TRIM9: variants seen among roughly 807,000 people sequenced by gnomAD.
TRIM9 encodes the protein E3 ubiquitin-protein ligase TRIM9.
A neutral mutation model predicts 78.3 loss-of-function variants in TRIM9; 26 were observed. The observed-to-expected ratio is 0.33, with a 90% CI of 0.24 to 0.46. The LOEUF is 0.46. Ranked by LOEUF, TRIM9 falls within the 20% of genes least tolerant of loss-of-function variation. The probability of loss-of-function intolerance (pLI) is 1.00; values close to 1 mark genes in which losing one functional copy is unlikely to be tolerated. For missense variants in TRIM9, 787 were observed against 1,036.4 expected (o/e 0.76, Z 3.30); for synonymous variants, 398 against 416.5 (o/e 0.96, Z 0.54).
Position 51,094,665 on chromosome 14 carries a change from C to T in TRIM9, c.275G>A (p.Cys92Tyr), listed in dbSNP as rs1474078106. Residue 92 changes from cysteine (C) to tyrosine (Y), a missense_variant, in exon 1 of 13, where the codon TGC becomes TAC. Around this residue, in one of 3 missense-constraint regions of TRIM9, gnomAD observed 352 missense variants for 472.3 expected, o/e 0.75. Coordinates refer to ENST00000684578, the MANE Select transcript of TRIM9 (RefSeq NM_001387360.1). ...GGFASAPTTPCQKSPNGVRVF... is the reference protein window; with the variant it reads ...GGFASAPTTPYQKSPNGVRVF... ...GCGGACGCCGTTGGGGGACTTCTGG[C>T]ACGGGGTAGTGGGGGCGCTGGCGAA... The T allele has an allele frequency of 6.3e-7, 1 of 1,594,782 alleles. No individual in the cohort carries two copies. The highest frequency in any genetic ancestry group is 1.1e-5 in the South Asian group (1 of 87,724).
chr14:51,076,798 A>G (rs2062822853), intron 1 of TRIM9, among the ~76,000 whole-genome samples: 2 of 152,140 alleles, frequency 1.3e-5, no homozygotes, highest in South Asian at 4.1e-4. Context: ...TAACTAACCC[A>G]AGTTCACAGC....
At chr14:50,999,466 A>C (rs1596134627) in intron 6 of TRIM9, among the ~76,000 whole-genome samples, 1 of 152,182 alleles carries the variant, frequency 6.6e-6, no homozygotes, top group Admixed American at 6.5e-5. Flanking sequence ...CATGCCAATA[A>C]ATCAACATAT....
chr14:51,071,421 G>T (rs1596309591), intron 1 of TRIM9, among the ~76,000 whole-genome samples: 1 of 142,156 alleles, frequency 7.0e-6, no homozygotes, highest in Non-Finnish European at 1.5e-5. Flanking sequence ...CAAAAGAAAA[G>T]AAAAGAAAGT....
intron 1 of TRIM9, among the ~76,000 whole-genome samples, chr14:51,080,454 C>G: frequency 6.6e-6 from 1 of 151,182 alleles, no homozygotes; most frequent in South Asian, 2.1e-4. Context: ...CACACACACA[C>G]ACACACACAC....
chr14:51,074,866 A>G (rs2062616252), intron 1 of TRIM9, among the ~76,000 whole-genome samples: 1 of 152,224 alleles, frequency 6.6e-6, no homozygotes, highest in South Asian at 2.1e-4. Context: ...CATAGGTAAA[A>G]TGAGGGGAAT....
chr14:51,069,309 T>C lies in TRIM9; in HGVS notation c.822+24809A>G, dbSNP rs546412377. Among the ~76,000 whole-genome samples, 3 of 152,316 alleles carry C rather than the reference T, an allele frequency of 2.0e-5. No individual in the cohort carries two copies. In the East Asian group the frequency reaches 5.8e-4, roughly 29 times the overall value. ...TGTTAATCTAGACCACTGGTTCTCATCTGGAGGTGATTTTCCTCCTAGAGG... is the reference window on the plus strand; with the variant it reads ...TGTTAATCTAGACCACTGGTTCTCACCTGGAGGTGATTTTCCTCCTAGAGG... On this transcript the variant is annotated intron_variant, in intron 1 of 12. Transcript: ENST00000684578.
chr14:51,049,245 T>C (rs1242867532), intron 1 of TRIM9, among the ~76,000 whole-genome samples: 2 of 152,138 alleles, frequency 1.3e-5, no homozygotes, highest in Admixed American at 6.5e-5. Context: ...TTTGTATTTT[T>C]AGTAGAGACG....
intron 1 of TRIM9, among the ~76,000 whole-genome samples, chr14:51,059,392 C>G (rs2140142305): frequency 6.6e-6 from 1 of 152,256 alleles, no homozygotes; most frequent in Non-Finnish European, 1.5e-5. Flanking sequence ...ATAGGGTAGT[C>G]TATTCTTTCA....
At chr14:50,999,605 C>G (rs2054680839) in intron 6 of TRIM9, among the ~76,000 whole-genome samples, 1 of 152,146 alleles carries the variant, frequency 6.6e-6, no homozygotes, top group South Asian at 2.1e-4. Flanking sequence ...AAAAGGGGGC[C>G]TTGAGAGGCT....
At chr14:51,061,892 C>T (rs1046842933) in intron 1 of TRIM9, among the ~76,000 whole-genome samples, 3 of 152,086 alleles carry the variant, frequency 2.0e-5, no homozygotes, top group Non-Finnish European at 2.9e-5. Flanking sequence ...TCTTATATCC[C>T]CTCCCCTACT....
intron 1 of TRIM9, among the ~76,000 whole-genome samples, chr14:51,071,880 A>G (rs2062301886): frequency 6.6e-6 from 1 of 152,236 alleles, no homozygotes; most frequent in Non-Finnish European, 1.5e-5. Flanking sequence ...TCAGTGGGAA[A>G]AGTGCCATGA....
intron 1 of TRIM9, among the ~76,000 whole-genome samples, chr14:51,029,756 G>A (rs948852817): frequency 1.2e-4 from 18 of 144,630 alleles, no homozygotes; most frequent in African/African-American, 4.4e-4. Flanking sequence ...CCATTTTGCA[G>A]AGGTGCCGAG....
At chr14:51,018,956 G>T (rs746395938) in intron 3 of TRIM9, among the ~76,000 whole-genome samples, 1 of 152,158 alleles carries the variant, frequency 6.6e-6, no homozygotes, top group Non-Finnish European at 1.5e-5. Flanking sequence ...CAATTTCAGG[G>T]TTATGTCAAA....
At chr14:51,003,631 A>C (rs960267502) in intron 5 of TRIM9, among the ~76,000 whole-genome samples, 2 of 152,122 alleles carry the variant, frequency 1.3e-5, no homozygotes, top group African/African-American at 4.8e-5. Flanking sequence ...GATACAGTTT[A>C]AAAGACCAAA....
intron 8 of TRIM9, among the ~76,000 whole-genome samples, chr14:50,984,856 G>T (rs2052483771): frequency 6.6e-6 from 1 of 152,100 alleles, no homozygotes; most frequent in South Asian, 2.1e-4. Flanking sequence ...TAGACACAAG[G>T]GAAAAGAGTT....
intron 7 of TRIM9, among the ~76,000 whole-genome samples, chr14:50,991,267 A>G (rs1356551522): frequency 1.3e-5 from 2 of 152,230 alleles, no homozygotes; most frequent in African/African-American, 4.8e-5. Flanking sequence ...TCCCAGAACC[A>G]AAAATAGGGT....
At chr14:51,005,200 C>A (rs1394390507) in intron 5 of TRIM9, among the ~76,000 whole-genome samples, 1 of 152,190 alleles carries the variant, frequency 6.6e-6, no homozygotes, top group East Asian at 1.9e-4. Flanking sequence ...ATTCCATCCC[C>A]GCTAACCCTC....
chr14:51,021,459 T>C (rs545287142), intron 3 of TRIM9, among the ~76,000 whole-genome samples: 53 of 152,336 alleles, frequency 3.5e-4, no homozygotes, highest in African/African-American at 1.3e-3. Flanking sequence ...GGAAGCCCAC[T>C]CTGTACCTAT....
In TRIM9 at chr14:50,982,075, C is replaced by A; in HGVS notation, c.1887G>T (p.Ser629=). ...AVAWFAFDPG[S]AHSDIILSND... is the part of the protein sequence containing the mutation. ...TGGAGAGGATGATGTCCGAGTGCGC[C>A]GAGCCAGGGTCGAAAGCAAACCAGG... is the stretch of plus-strand genomic sequence containing the variant. The change falls in exon 11 of 13, where the codon TCG becomes TCT. Residue 629 remains serine (S), a synonymous_variant. Transcript: ENST00000684578. The A allele has an allele frequency of 6.2e-7, 1 of 1,613,994 alleles. No homozygotes were observed.
Sources: gnomAD v4.1 joint callset for allele counts (sites outside exome capture counted in the v4.1 genomes callset) on GRCh38, gnomAD v4.1.1 for gene constraint, gnomAD v4.1.1 regional missense constraint, MANE v1.5 for transcripts, NCBI Gene and HGNC (gene_info 2026-07-23, HGNC 2026-07-21) for gene names.